LRRC49: variants seen among roughly 807,000 people sequenced by gnomAD.
LRRC49 encodes the protein leucine-rich repeat-containing protein 49.
Under a neutral mutation model 83.3 loss-of-function variants are expected in LRRC49, and 50 were observed. The ratio of observed to expected loss-of-function variants is 0.60; its 90% CI spans 0.48 to 0.76. The LOEUF is 0.76. LRRC49 is among the 30% of genes least tolerant of loss of function. The pLI, the probability that LRRC49 is intolerant of heterozygous loss-of-function variation, is 0.00. For synonymous variants in LRRC49, 286 were observed against 283.3 expected, an observed-to-expected ratio of 1.01 and a Z score of -0.10; for missense variants, 704 against 809.1, an observed-to-expected ratio of 0.87 and a Z score of 1.58.
At position 70,984,116 on chromosome 15, in the gene LRRC49, A is replaced by G; in HGVS notation, c.1028A>G (p.Asn343Ser). Residue 343 changes from asparagine to serine, a missense_variant, in exon 11 of 16, where the codon AAC (asparagine) becomes AGC (serine). Transcript: ENST00000260382. The part of the protein sequence containing the change: ...LLKEKKRLTI[N>S]NVARQWDLQQ... ...TAGGAGAAGAAAAGGTTAACAATTA[A>G]CAACGTAGCTCGACAGTGGGACTTG... 1 of 1,611,076 alleles carries G rather than the reference A, an allele frequency of 6.2e-7. No homozygotes were observed.
At chr15:70,883,321 A>T (rs2033316184) in intron 2 of LRRC49, among the ~76,000 whole-genome samples, 1 of 152,018 alleles carries the variant, frequency 6.6e-6, no homozygotes, top group Admixed American at 6.5e-5. Flanking sequence ...CTTCCCAAGT[A>T]GCTGGGATTA....
intron 5 of LRRC49, chr15:70,907,358 T>C (rs2034356314): frequency 6.6e-6 from 1 of 152,376 alleles, no homozygotes; most frequent in South Asian, 2.1e-4. Context: ...ATTTCTACTC[T>C]AAAGCTAAGA....
Position 71,017,186 on chromosome 15 carries a change from A to G in LRRC49, c.1703+4273A>G, listed in dbSNP as rs200559381. Among the ~76,000 whole-genome samples, 8 of 152,288 alleles carry G rather than the reference A, an allele frequency of 5.3e-5. No individual in the cohort carries two copies. In the East Asian group the frequency reaches 1.5e-3, roughly 29 times the overall value. Reference sequence around the variant, plus strand: ...AAATGAATATTTACAATGTTAACAAATTCCAAGACTTAATATTGTAAAGAT... The same window carrying G: ...AAATGAATATTTACAATGTTAACAAGTTCCAAGACTTAATATTGTAAAGAT... On this transcript the variant is annotated intron_variant, in intron 14 of 15. Coordinates refer to ENST00000260382, the MANE Select transcript of LRRC49 (RefSeq NM_017691.5).
chr15:71,047,024 T>G (rs558893981), intron 15 of LRRC49, among the ~76,000 whole-genome samples: 34 of 152,256 alleles, frequency 2.2e-4, no homozygotes, highest in Admixed American at 1.8e-3. Context: ...TTTCTGAGTT[T>G]TCTATTCTGT....
chr15:70,864,988 A>G (rs1456319284), intron 1 of LRRC49, among the ~76,000 whole-genome samples: 5 of 152,170 alleles, frequency 3.3e-5, no homozygotes, highest in Non-Finnish European at 5.9e-5. Context: ...CCATATGCCT[A>G]GAGTCAACAC....
At chr15:70,860,435 G>A (rs1474508840) in intron 1 of LRRC49, among the ~76,000 whole-genome samples, 2 of 152,216 alleles carry the variant, frequency 1.3e-5, no homozygotes, top group East Asian at 3.9e-4. Context: ...AAAAAGGAGA[G>A]ATGAGGTCTC....
intron 9 of LRRC49, 103 bp downstream of exon 9, chr15:70,964,035 C>A: frequency 8.8e-7 from 1 of 1,141,744 alleles, no homozygotes. Flanking sequence ...TTTTAGTGAA[C>A]TATGGGTTAT....
intron 15 of LRRC49, among the ~76,000 whole-genome samples, chr15:71,040,164 C>T (rs569248231): frequency 6.6e-6 from 1 of 152,278 alleles, no homozygotes; most frequent in East Asian, 1.9e-4. Context: ...TTTCTATAGA[C>T]ATTGAAAATA....
intron 14 of LRRC49, among the ~76,000 whole-genome samples, chr15:71,031,168 AC>A (rs2039341012): frequency 6.6e-6 from 1 of 151,982 alleles, no homozygotes; most frequent in African/African-American, 2.4e-5. Context: ...GAGGCTAATG[AC>A]CTTTGGATGG....
At chr15:70,971,069 T>C (rs2036978953) in intron 9 of LRRC49, among the ~76,000 whole-genome samples, 1 of 152,214 alleles carries the variant, frequency 6.6e-6, no homozygotes, top group African/African-American at 2.4e-5. Flanking sequence ...CTTTCAATTG[T>C]GATGTTAGGG....
chr15:70,978,435 T>C (rs556193074), intron 9 of LRRC49, among the ~76,000 whole-genome samples: 13 of 152,192 alleles, frequency 8.5e-5, no homozygotes, highest in Non-Finnish European at 1.9e-4. Flanking sequence ...TTTGTCCATA[T>C]GACATTGGCC....
At position 70,873,274 on chromosome 15, in the gene LRRC49, C is replaced by T. The variant is rs151215132; in HGVS notation, c.18+51C>T. 4.9e-4 allele frequency: 738 copies of T among 1,517,302 alleles called. 8 individuals are homozygous for T. In the African/African-American group the frequency reaches 9.4e-3, roughly 19 times the overall value. 94.0% of individuals were successfully genotyped at this position (1,517,302 alleles called of 1,614,324 possible). A position where few individuals can be genotyped will look rare whatever the true frequency, so the allele number is the denominator to read the frequency against. On this transcript the variant is annotated intron_variant, in intron 2 of 16. Coordinates refer to the LRRC49 transcript ENST00000544974. Reference sequence around the variant, plus strand: ...AATTTTGTATAACAATTATACTCTGCTATCCCCTCACTGAACTAAAACATC... The same window carrying T: ...AATTTTGTATAACAATTATACTCTGTTATCCCCTCACTGAACTAAAACATC...
intron 8 of LRRC49, among the ~76,000 whole-genome samples, chr15:70,943,108 A>T (rs2035881899): frequency 6.6e-6 from 1 of 150,840 alleles, no homozygotes; most frequent in African/African-American, 2.4e-5. Flanking sequence ...AGATTTAAGG[A>T]TTATTGAGTT....
chr15:71,046,289 G>A (rs1460683940), intron 15 of LRRC49, among the ~76,000 whole-genome samples: 1 of 152,134 alleles, frequency 6.6e-6, no homozygotes, highest in East Asian at 1.9e-4. Flanking sequence ...TTTCCACAGT[G>A]GCTGGACTAA....
chr15:71,041,574 C>A (rs2039700061), intron 15 of LRRC49, among the ~76,000 whole-genome samples: 1 of 152,006 alleles, frequency 6.6e-6, no homozygotes, highest in Non-Finnish European at 1.5e-5. Flanking sequence ...TATGCAGGAT[C>A]TATAAATAAA....
upstream of LRRC49, among the ~76,000 whole-genome samples, chr15:70,888,861 T>TA (rs1356943400): frequency 1.3e-5 from 2 of 152,180 alleles, no homozygotes. Context: ...GGTGTTTCCT[T>TA]ACTAATTTCA....
At chr15:71,044,534 A>G (rs924995290) in intron 15 of LRRC49, among the ~76,000 whole-genome samples, 7 of 152,164 alleles carry the variant, frequency 4.6e-5, no homozygotes, top group African/African-American at 1.7e-4. Context: ...CATGCCTGTA[A>G]TCCCAGCTCT....
intron 15 of LRRC49, among the ~76,000 whole-genome samples, chr15:71,041,261 A>T: frequency 6.6e-6 from 1 of 152,228 alleles, no homozygotes; most frequent in East Asian, 1.9e-4. Context: ...CAAGACAAGG[A>T]TGCCTAATAT....
intron 14 of LRRC49, among the ~76,000 whole-genome samples, chr15:71,029,822 A>T (rs2039291840): frequency 6.6e-6 from 1 of 152,136 alleles, no homozygotes; most frequent in African/African-American, 2.4e-5. Context: ...AGTCTGTTTT[A>T]TCACAGACTA....
Sources: gnomAD v4.1 joint callset for allele counts (sites outside exome capture counted in the v4.1 genomes callset) on GRCh38, gnomAD v4.1.1 for gene constraint, MANE v1.5 for transcripts, NCBI Gene and HGNC (gene_info 2026-07-23, HGNC 2026-07-21) for gene names.